Variants in LRRC49 observed in about 807,000 individuals in gnomAD.
LRRC49 encodes leucine-rich repeat-containing protein 49.
In LRRC49, 50 loss-of-function variants were observed where a neutral mutation model predicts 83.3. That is an observed-to-expected ratio of 0.60 (90% CI 0.48 to 0.76). LRRC49 has a LOEUF of 0.76. Ranked by LOEUF, LRRC49 falls within the 30% of genes least tolerant of loss-of-function variation. The probability of loss-of-function intolerance (pLI) is 0.00; values close to 1 mark genes in which losing one functional copy is unlikely to be tolerated. For missense variants in LRRC49, 704 were observed against 809.1 expected, an observed-to-expected ratio of 0.87 and a Z score of 1.58; for synonymous variants, 286 against 283.3, an observed-to-expected ratio of 1.01 and a Z score of -0.10.
chr15:70,944,135 T>C (rs2035922513), intron 8 of LRRC49, among the ~76,000 whole-genome samples: 1 of 152,160 alleles, frequency 6.6e-6, no homozygotes, highest in Non-Finnish European at 1.5e-5. Context: ...AGGAGGGGCC[T>C]CTAGTACATG....
At chr15:70,915,284 T>G (rs1446157563) in intron 6 of LRRC49, among the ~76,000 whole-genome samples, 1 of 152,240 alleles carries the variant, frequency 6.6e-6, no homozygotes, top group Non-Finnish European at 1.5e-5. Context: ...ATGTTTCTTT[T>G]CAGACTTTTC....
chr15:70,987,765 G>A (rs1176526305), intron 11 of LRRC49, among the ~76,000 whole-genome samples: 2 of 151,804 alleles, frequency 1.3e-5, no homozygotes, highest in Non-Finnish European at 2.9e-5. Flanking sequence ...TTTCTCTTGT[G>A]GGCATTTAGT....
chr15:71,008,275 G>T (rs1006212071), intron 11 of LRRC49, 104 bp from the exon 12 acceptor site: 2 of 664,884 alleles, frequency 3.0e-6, no homozygotes, highest in Non-Finnish European at 5.2e-6. Context: ...TTACTGAAAT[G>T]AAAAAAGAAT....
intron 14 of LRRC49, among the ~76,000 whole-genome samples, 172 bp downstream of exon 14, chr15:71,013,085 C>T (rs1425739668): frequency 6.6e-6 from 1 of 152,050 alleles, no homozygotes; most frequent in African/African-American, 2.4e-5. Flanking sequence ...TCCTTATTCT[C>T]GTATGGCTTA....
intron 1 of LRRC49, 47 bp downstream of exon 1, chr15:70,892,989 C>A (rs931528686): frequency 1.2e-6 from 2 of 1,600,340 alleles, no homozygotes; most frequent in Non-Finnish European, 1.7e-6. Context: ...GGTACTCTTT[C>A]TGACTGGCGT....
At chr15:70,965,536 A>G (rs2036764471) in intron 9 of LRRC49, among the ~76,000 whole-genome samples, 1 of 152,058 alleles carries the variant, frequency 6.6e-6, no homozygotes, top group South Asian at 2.1e-4. Context: ...TATTTATGAA[A>G]ATTACAGGTT....
At position 70,854,002 on chromosome 15, in the gene LRRC49, G is replaced by A. The variant is rs1359553927; in HGVS notation, c.-299+533G>A. On this transcript the variant is annotated intron_variant, in intron 1 of 16. Coordinates refer to the LRRC49 transcript ENST00000544974. ...CCCCCTCCTCCTCGTCCTCCAACTC[G>A]TCCACGTCCTCGGCCTCCTGGATGG... is the stretch of plus-strand genomic sequence containing the variant. 4 of 1,463,744 alleles carry A rather than the reference G, an allele frequency of 2.7e-6. No individual in the cohort carries two copies. The African/African-American group carries it at 5.9e-5, about 22-fold the overall frequency. 90.7% of individuals were successfully genotyped at this position (1,463,744 alleles called of 1,614,324 possible). A position where few individuals can be genotyped will look rare whatever the true frequency, so the allele number is the denominator to read the frequency against.
At chr15:70,985,951 G>A (rs12101940) in intron 11 of LRRC49, among the ~76,000 whole-genome samples, 61,293 of 140,394 alleles carry the variant, frequency 0.44, 13,673 homozygotes, top group East Asian at 0.63. Context: ...GATATGCGGC[G>A]TTATTTCTGA....
At chr15:70,928,133 T>C (rs1278644873) in intron 7 of LRRC49, among the ~76,000 whole-genome samples, 1 of 152,220 alleles carries the variant, frequency 6.6e-6, no homozygotes, top group African/African-American at 2.4e-5. Context: ...TTCTGGACCC[T>C]CTATTCTGTT....
rs1303695880 is a variant in LRRC49, at chr15:71,049,413, TAAAG to T, written c.1863_1866del (p.Ile621MetfsTer11). On this transcript the variant is annotated frameshift_variant, in exon 16 of 16. Transcript: ENST00000260382. LOFTEE classifies it high-confidence loss of function. ...ACTTTCTCTTTTTTTTAACAGGAAA[TAAAG>T]GAAAAGAAGAAATTCTGTAAAACAT... is the stretch of plus-strand genomic sequence containing the variant. 6.4e-7 allele frequency: 1 copy of T among 1,568,722 alleles called. No individual in the cohort carries two copies.
At chr15:71,048,160 A>G (rs555766472) in intron 15 of LRRC49, among the ~76,000 whole-genome samples, 1 of 149,448 alleles carries the variant, frequency 6.7e-6, no homozygotes, top group African/African-American at 2.5e-5. Flanking sequence ...ATCATAGCTT[A>G]AACTGTAGCC....
intron 6 of LRRC49, 81 bp downstream of exon 6, chr15:70,911,679 G>T: frequency 6.1e-6 from 5 of 815,462 alleles, no homozygotes; most frequent in Non-Finnish European, 9.8e-6. Flanking sequence ...AATCATACTC[G>T]CATTGAATTT....
At chr15:70,868,502 G>A (rs190242546) in intron 1 of LRRC49, among the ~76,000 whole-genome samples, 1 of 152,224 alleles carries the variant, frequency 6.6e-6, no homozygotes, top group African/African-American at 2.4e-5. Flanking sequence ...ACTCTTCAAT[G>A]CTTTCAACTG....
intron 14 of LRRC49, among the ~76,000 whole-genome samples, chr15:71,028,140 A>G (rs1242663896): frequency 1.3e-5 from 2 of 152,188 alleles, no homozygotes; most frequent in Non-Finnish European, 2.9e-5. Context: ...ATTTATTGAG[A>G]GTTTTTGGCA....
At chr15:70,855,341 A>G (rs1164049431) in intron 1 of LRRC49, among the ~76,000 whole-genome samples, 1 of 148,812 alleles carries the variant, frequency 6.7e-6, no homozygotes, top group Non-Finnish European at 1.5e-5. Context: ...TCTCAAAAAA[A>G]AAAAAAAGAA....
At chr15:70,899,989 A>G (rs1283036919) in intron 3 of LRRC49, among the ~76,000 whole-genome samples, 1 of 152,096 alleles carries the variant, frequency 6.6e-6, no homozygotes. Flanking sequence ...GGAACTTCTC[A>G]TTGTTTCTTC....
chr15:70,981,873 A>G (rs938077350), intron 10 of LRRC49, among the ~76,000 whole-genome samples: 2 of 146,542 alleles, frequency 1.4e-5, no homozygotes, highest in South Asian at 4.3e-4. Context: ...GCATTCTCTA[A>G]CCTTTCTTTT....
chr15:70,877,090 T>C (rs1302794291), intron 2 of LRRC49, among the ~76,000 whole-genome samples: 2 of 152,192 alleles, frequency 1.3e-5, no homozygotes, highest in African/African-American at 4.8e-5. Context: ...TTTTAAAGCA[T>C]ATTTATATCC....
intron 2 of LRRC49, among the ~76,000 whole-genome samples, chr15:70,874,291 T>C (rs531113330): frequency 1.3e-5 from 2 of 152,262 alleles, no homozygotes; most frequent in South Asian, 2.1e-4. Context: ...GGATCTACCT[T>C]TTCTTCTCAA....
Sources: allele counts gnomAD v4.1 joint callset (sites outside exome capture counted in the v4.1 genomes callset), GRCh38; gene constraint gnomAD v4.1.1; transcripts MANE v1.5; gene names NCBI Gene and HGNC (gene_info 2026-07-23, HGNC 2026-07-21).